The following KDM4C variants were observed in gnomAD, a reference collection of about 807,000 sequenced individuals.
The protein encoded by KDM4C is lysine demethylase 4C.
KDM4C carries 81 observed loss-of-function variants against 129.3 expected under a neutral mutation model. That is an observed-to-expected ratio of 0.63 (90% CI 0.52 to 0.75). KDM4C has a LOEUF of 0.75. Ranked by LOEUF, KDM4C falls within the 30% of genes least tolerant of loss-of-function variation. The pLI, the probability that KDM4C is intolerant of heterozygous loss-of-function variation, is 0.00. For synonymous variants in KDM4C, 573 were observed against 456.1 expected (o/e 1.26, Z -3.26); for missense variants, 1,457 against 1,304.0 (o/e 1.12, Z -1.81).
At chr9:7,128,417 T>C (rs1840258685) in intron 19 of KDM4C, among the ~76,000 whole-genome samples, 181 bp downstream of exon 19, 1 of 148,182 alleles carries the variant, frequency 6.7e-6, no homozygotes, top group Admixed American at 6.6e-5. Flanking sequence ...ATTCTTTTTT[T>C]GGCCAAACGT....
chr9:7,122,789 TG>T (rs34251596), intron 18 of KDM4C, among the ~76,000 whole-genome samples: 60,328 of 151,888 alleles, frequency 0.4, 12,332 homozygotes, highest in Admixed American at 0.54. Context: ...AAGCCACTGT[TG>T]GTTCATTTCT....
At chr9:6,891,318 A>G (rs1401809412) in intron 7 of KDM4C, among the ~76,000 whole-genome samples, 5 of 152,262 alleles carry the variant, frequency 3.3e-5, no homozygotes, top group Admixed American at 1.3e-4. Context: ...ATGGAAGATT[A>G]TTCAGCCATA....
At chr9:7,140,120 C>T (rs1427383551) in intron 19 of KDM4C, among the ~76,000 whole-genome samples, 2 of 152,106 alleles carry the variant, frequency 1.3e-5, no homozygotes, top group African/African-American at 4.8e-5. Flanking sequence ...CAGGTGTTTC[C>T]CATGTATTAG....
chr9:6,995,940 T>C lies in KDM4C; in HGVS notation c.1786+5416T>C, dbSNP rs1341251265. Among the ~76,000 whole-genome samples the C allele has an allele frequency of 3.9e-5, 6 of 152,224 alleles. No homozygotes were observed. The South Asian group carries it at 1.0e-3, about 26-fold the overall frequency. ...ACCTCGGCCTCCCAAAGTGCTGGGA[T>C]TACAGGCGTGAGCCACCGCGCCCGG... On this transcript the variant is annotated intron_variant, in intron 12 of 21. Coordinates refer to ENST00000381309, the MANE Select transcript of KDM4C (RefSeq NM_015061.6).
chr9:6,991,905 G>C (rs1438136481), intron 12 of KDM4C, among the ~76,000 whole-genome samples: 5 of 152,102 alleles, frequency 3.3e-5, no homozygotes, highest in Non-Finnish European at 7.4e-5. Flanking sequence ...GTAGGGATTA[G>C]GGATCATAGT....
At chr9:7,104,617 C>T (rs10122120) in intron 18 of KDM4C, among the ~76,000 whole-genome samples, 77,890 of 151,998 alleles carry the variant, frequency 0.51, 20,622 homozygotes, top group East Asian at 0.75. Context: ...ATTATGACAG[C>T]GTAGAGATAG....
chr9:6,965,171 TAAAAG>T (rs1478383848), intron 8 of KDM4C, among the ~76,000 whole-genome samples: 1 of 151,796 alleles, frequency 6.6e-6, no homozygotes, highest in East Asian at 1.9e-4. Context: ...ATGTAGGAAA[TAAAAG>T]AGAAACGTGG....
At chr9:7,120,944 T>G (rs970586870) in intron 18 of KDM4C, among the ~76,000 whole-genome samples, 6 of 152,312 alleles carry the variant, frequency 3.9e-5, no homozygotes, top group Non-Finnish European at 7.3e-5. Context: ...GACTCTTAGT[T>G]TTTTATATGT....
At chr9:7,055,523 T>G (rs1429710910) in intron 17 of KDM4C, among the ~76,000 whole-genome samples, 1 of 152,222 alleles carries the variant, frequency 6.6e-6, no homozygotes, top group Non-Finnish European at 1.5e-5. Flanking sequence ...ACTATTCTGC[T>G]TAGAAGCCTC....
intron 18 of KDM4C, among the ~76,000 whole-genome samples, chr9:7,113,574 A>T (rs1838572158): frequency 6.6e-6 from 1 of 152,194 alleles, no homozygotes; most frequent in African/African-American, 2.4e-5. Flanking sequence ...TTGATAGAGC[A>T]AGGGCTTGAG....
chr9:6,950,796 G>A (rs1314035033), intron 8 of KDM4C, among the ~76,000 whole-genome samples: 3 of 152,182 alleles, frequency 2.0e-5, no homozygotes, highest in African/African-American at 4.8e-5. Context: ...AGGTGCATAT[G>A]CCTTTTCATG....
At chr9:6,975,073 G>T (rs1369972725) in intron 8 of KDM4C, 1 of 152,066 alleles carries the variant, frequency 6.6e-6, no homozygotes, top group Non-Finnish European at 1.5e-5. Context: ...TGCTCTCATG[G>T]GTCAGAAAGA....
At chr9:7,054,711 T>C (rs566410362) in intron 17 of KDM4C, among the ~76,000 whole-genome samples, 1 of 152,380 alleles carries the variant, frequency 6.6e-6, no homozygotes, top group Admixed American at 6.5e-5. Context: ...ATGTTTATTG[T>C]ATACATTGAT....
chr9:6,857,757 T>G (rs879387415), intron 5 of KDM4C, among the ~76,000 whole-genome samples: 28 of 144,100 alleles, frequency 1.9e-4, no homozygotes, highest in Non-Finnish European at 3.7e-4. Flanking sequence ...CAGCTGTACT[T>G]TTTTTTTTTT....
intron 15 of KDM4C, among the ~76,000 whole-genome samples, chr9:7,016,274 C>G (rs1823658858): frequency 6.6e-6 from 1 of 151,848 alleles, no homozygotes. Context: ...ACTACAGGCA[C>G]CCGCCACCAC....
chr9:6,934,753 C>T (rs937982146), intron 8 of KDM4C, among the ~76,000 whole-genome samples: 2 of 152,006 alleles, frequency 1.3e-5, no homozygotes, highest in African/African-American at 4.8e-5. Context: ...TGAGCCACTG[C>T]GCCCGGCCCA....
intron 4 of KDM4C, among the ~76,000 whole-genome samples, chr9:6,817,658 T>C (rs1832365054): frequency 6.6e-6 from 1 of 152,180 alleles, no homozygotes; most frequent in South Asian, 2.1e-4. Flanking sequence ...TGAGAATGTA[T>C]TGTTTATTAA....
At chr9:6,757,484 G>C (rs921692454), upstream of KDM4C, among the ~76,000 whole-genome samples, 1 of 152,256 alleles carries the variant, frequency 6.6e-6, no homozygotes, top group African/African-American at 2.4e-5. Context: ...TTGTGGGAAG[G>C]AGGCTCAGTG....
At chr9:7,124,596 G>A (rs1197838746) in intron 18 of KDM4C, among the ~76,000 whole-genome samples, 1 of 152,186 alleles carries the variant, frequency 6.6e-6, no homozygotes, top group African/African-American at 2.4e-5. Context: ...GGGATGAATG[G>A]GGGTAAAGTC....
Sources: gnomAD v4.1 joint callset for allele counts (sites outside exome capture counted in the v4.1 genomes callset) on GRCh38, gnomAD v4.1.1 for gene constraint, MANE v1.5 for transcripts, NCBI Gene and HGNC (gene_info 2026-07-23, HGNC 2026-07-21) for gene names.